HSPA4L: variants seen among roughly 807,000 people sequenced by gnomAD.
HSPA4L encodes heat shock 70 kDa protein 4L.
A neutral mutation model predicts 100.3 loss-of-function variants in HSPA4L; 48 were observed. The ratio of observed to expected loss-of-function variants is 0.48; its 90% CI spans 0.38 to 0.61. HSPA4L has a LOEUF of 0.61. HSPA4L is among the 20% of genes least tolerant of loss of function. The probability of loss-of-function intolerance (pLI) is 0.00; values close to 1 mark genes in which losing one functional copy is unlikely to be tolerated. For synonymous variants in HSPA4L, 319 were observed against 328.2 expected, an observed-to-expected ratio of 0.97 and a Z score of 0.30; for missense variants, 886 against 988.6, an observed-to-expected ratio of 0.90 and a Z score of 1.39.
At chr4:127,794,820 A>G (rs1292169846) in intron 2 of HSPA4L, among the ~76,000 whole-genome samples, 1 of 152,126 alleles carries the variant, frequency 6.6e-6, no homozygotes, top group Non-Finnish European at 1.5e-5. Flanking sequence ...AAAGAGAGCA[A>G]CATAGTAATT....
chr4:127,835,384 T>A lies in HSPA4L; in HGVS notation c.*2510T>A, dbSNP rs948097083. On this transcript the variant is annotated 3_prime_UTR_variant, in exon 19 of 19. Coordinates refer to ENST00000296464, the MANE Select transcript of HSPA4L (RefSeq NM_014278.4). ...TAAATAATATAATGGAAGTTTGTGA[T>A]AATTCCTTAGCAGTAATGTAAAATT... 1 of 152,188 alleles carries A rather than the reference T, an allele frequency of 6.6e-6. No homozygotes were observed. Among genetic ancestry groups the A allele is most frequent in the East Asian group, 1.9e-4 (1 of 5,198 alleles). The allele number at this position is 152,188 out of a possible 1,614,324, so 9.4% of individuals were successfully genotyped here.
chr4:127,796,229 A>T (rs1213904647), intron 3 of HSPA4L, among the ~76,000 whole-genome samples: 1 of 152,162 alleles, frequency 6.6e-6, no homozygotes, highest in Non-Finnish European at 1.5e-5. Context: ...AATGGACCCA[A>T]AAAGTATGTT....
intron 17 of HSPA4L, among the ~76,000 whole-genome samples, chr4:127,829,971 A>G (rs558880417): frequency 1.4e-4 from 21 of 151,628 alleles, no homozygotes; most frequent in African/African-American, 4.3e-4. Context: ...TGGGTTTTCC[A>G]TTTGTTTGTT....
intron 8 of HSPA4L, 39 bp downstream of exon 8, chr4:127,804,126 A>G: frequency 6.6e-7 from 1 of 1,510,208 alleles, no homozygotes; most frequent in Non-Finnish European, 9.2e-7. Flanking sequence ...CTGTACCATA[A>G]TGTTGCCTAC....
chr4:127,823,640 G>C lies in HSPA4L; in HGVS notation c.2046+16G>C. On this transcript the variant is annotated intron_variant, in intron 16 of 18. Coordinates refer to ENST00000296464, the MANE Select transcript of HSPA4L (RefSeq NM_014278.4). ...AGAACTAAAGGTACATTTTTTTAAAGTCCATGTTAGTATAAACCAGTAACT... is the reference window on the plus strand; with the variant it reads ...AGAACTAAAGGTACATTTTTTTAAACTCCATGTTAGTATAAACCAGTAACT... The C allele has an allele frequency of 6.7e-7, 1 of 1,499,352 alleles. No homozygotes were observed. Among genetic ancestry groups the C allele is most frequent in the Non-Finnish European group, 9.3e-7 (1 of 1,076,620 alleles). The allele number at this position is 1,499,352 out of a possible 1,614,324, so 92.9% of individuals were successfully genotyped here. A position where few individuals can be genotyped will look rare whatever the true frequency, so the allele number is the denominator to read the frequency against.
intron 14 of HSPA4L, among the ~76,000 whole-genome samples, chr4:127,821,487 GTTAT>G (rs1281468960): frequency 1.3e-5 from 2 of 151,962 alleles, no homozygotes; most frequent in African/African-American, 2.4e-5. Context: ...TAATCTTCAG[GTTAT>G]TTCTTTGCTT....
At chr4:127,799,410 G>T (rs1733112566) in intron 4 of HSPA4L, among the ~76,000 whole-genome samples, 1 of 151,928 alleles carries the variant, frequency 6.6e-6, no homozygotes, top group South Asian at 2.1e-4. Context: ...CTATTTATAG[G>T]CATTTTAACC....
chr4:127,795,723 G>A, intron 2 of HSPA4L, 45 bp from the exon 3 acceptor site: 2 of 1,595,270 alleles, frequency 1.3e-6, no homozygotes, highest in Non-Finnish European at 1.7e-6. Context: ...ATTTTATTTT[G>A]CATTTATTAG....
At chr4:127,782,746 GATTTTCC>G in intron 1 of HSPA4L, 89 bp downstream of exon 1, 2 of 989,500 alleles carry the variant, frequency 2.0e-6, no homozygotes, top group Non-Finnish European at 2.9e-6. Flanking sequence ...CGCTTCCTCG[GATTTTCC>G]CCTAACGTGC....
intron 10 of HSPA4L, among the ~76,000 whole-genome samples, chr4:127,806,813 A>G (rs375562744): frequency 2.0e-4 from 31 of 152,096 alleles, no homozygotes; most frequent in African/African-American, 6.0e-4. Context: ...TGTTCTGTAC[A>G]TAAGTACCCC....
chr4:127,822,737 T>TTATGGCAAC, intron 14 of HSPA4L, 32 bp from the exon 15 acceptor site: 1 of 1,608,750 alleles, frequency 6.2e-7, no homozygotes, highest in Non-Finnish European at 8.5e-7. Flanking sequence ...ATGCATATTC[T>TTATGGCAAC]TATGGCAACT....
chr4:127,805,881 T>C (rs1309944581), intron 10 of HSPA4L, 88 bp downstream of exon 10: 2 of 752,148 alleles, frequency 2.7e-6, no homozygotes, highest in Non-Finnish European at 4.2e-6. Context: ...AATTTACGCT[T>C]CTTAAAATTC....
chr4:127,798,321 G>T (rs1733080102), intron 3 of HSPA4L, among the ~76,000 whole-genome samples: 1 of 152,178 alleles, frequency 6.6e-6, no homozygotes, highest in South Asian at 2.1e-4. Flanking sequence ...TTTGTGGGAA[G>T]TGGGGATCTG....
In HSPA4L at chr4:127,827,715, T is replaced by A. The variant is rs1733982259; in HGVS notation, c.2166+291T>A. Among the ~76,000 whole-genome samples the A allele has an allele frequency of 2.6e-5, 4 of 151,314 alleles. No individual in the cohort carries two copies. The South Asian group carries it at 8.3e-4, about 31-fold the overall frequency. On this transcript the variant is annotated intron_variant, in intron 17 of 18. Transcript: ENST00000296464. The stretch of plus-strand genomic sequence containing the variant: ...ATTGTTTTCTTCCTAGAGATTTCAT[T>A]TTTATGTTTTTCATATAGTGAAAAA...
upstream of HSPA4L, chr4:127,782,119 C>G (rs576206091): frequency 6.4e-5 from 29 of 455,216 alleles, no homozygotes; most frequent in African/African-American, 5.6e-4. Context: ...CTCCCGCCCC[C>G]GGATAGCTCA....
intron 16 of HSPA4L, among the ~76,000 whole-genome samples, chr4:127,824,891 C>T (rs1406635237): frequency 1.3e-5 from 2 of 152,190 alleles, no homozygotes; most frequent in Admixed American, 1.3e-4. Context: ...AATCCCGGCA[C>T]TTTGGGAGGC....
Position 127,833,149 on chromosome 4 carries a change from A to G in HSPA4L, c.*275A>G. ...ATACAGGATGGATACATAGTTGGCA[A>G]CAGTCTACCTTATTTAAAGCTTCTA... is the stretch of plus-strand genomic sequence containing the variant. On this transcript the variant is annotated 3_prime_UTR_variant, in exon 19 of 19. Transcript: ENST00000296464. 1 of 267,656 alleles carries G rather than the reference A, an allele frequency of 3.7e-6. No homozygotes were observed. The highest frequency in any genetic ancestry group is 7.0e-6 in the Non-Finnish European group (1 of 143,602). The allele number at this position is 267,656 out of a possible 1,614,324, so 16.6% of individuals were successfully genotyped here. A position where few individuals can be genotyped will look rare whatever the true frequency, so the allele number is the denominator to read the frequency against.
At chr4:127,827,790 T>G (rs1733984815) in intron 17 of HSPA4L, among the ~76,000 whole-genome samples, 2 of 152,090 alleles carry the variant, frequency 1.3e-5, no homozygotes, top group African/African-American at 4.8e-5. Flanking sequence ...GAGACTGGAC[T>G]CTGCTAGCCT....
At chr4:127,784,174 T>A (rs1732647344) in intron 1 of HSPA4L, among the ~76,000 whole-genome samples, 2 of 152,172 alleles carry the variant, frequency 1.3e-5, no homozygotes, top group South Asian at 4.1e-4. Flanking sequence ...AGAGTAGGGG[T>A]TAAAAATGGG....
Sources: allele counts gnomAD v4.1 joint callset (sites outside exome capture counted in the v4.1 genomes callset), GRCh38; gene constraint gnomAD v4.1.1; transcripts MANE v1.5; gene names NCBI Gene and HGNC (gene_info 2026-07-23, HGNC 2026-07-21).